EML4: variants seen among roughly 807,000 people sequenced by gnomAD.
EML4 encodes the protein echinoderm microtubule-associated protein-like 4.
A neutral mutation model predicts 129.0 loss-of-function variants in EML4; 72 were observed. The observed-to-expected ratio is 0.56, with a 90% CI of 0.46 to 0.68. The LOEUF is 0.68. EML4 is among the 30% of genes least tolerant of loss of function. EML4 has a pLI of 0.00. For missense variants in EML4, 1,363 were observed against 1,190.6 expected, an observed-to-expected ratio of 1.14 and a Z score of -2.13; for synonymous variants, 532 against 405.0, an observed-to-expected ratio of 1.31 and a Z score of -3.77.
At chr2:42,185,391 C>T (rs1315426302) in intron 1 of EML4, among the ~76,000 whole-genome samples, 6 of 152,126 alleles carry the variant, frequency 3.9e-5, no homozygotes, top group African/African-American at 9.7e-5. Flanking sequence ...ACACTGGCAG[C>T]GTAGAGTAGT....
chr2:42,292,470 A>G (rs1667701458), intron 11 of EML4, among the ~76,000 whole-genome samples: 1 of 152,252 alleles, frequency 6.6e-6, no homozygotes, highest in Non-Finnish European at 1.5e-5. Context: ...TATATGCACC[A>G]ACACAAATGG....
chr2:42,329,486 A>T (rs905421696), intron 22 of EML4, among the ~76,000 whole-genome samples: 3 of 152,088 alleles, frequency 2.0e-5, no homozygotes, highest in Non-Finnish European at 4.4e-5. Context: ...ACTTTTAGCT[A>T]TTTTTTTAAA....
chr2:42,196,804 G>A (rs1233170185), intron 1 of EML4, among the ~76,000 whole-genome samples: 1 of 152,162 alleles, frequency 6.6e-6, no homozygotes, highest in Admixed American at 6.5e-5. Context: ...TTGAGTTTGT[G>A]GAAGAGAGAC....
rs779460681 is a variant in EML4 at position 42,280,922 on chromosome 2, A to T, written c.740A>T (p.Tyr247Phe). Residue 247 changes from tyrosine to phenylalanine, a missense_variant, in exon 7 of 23, where the codon TAT becomes TTT. Coordinates refer to ENST00000318522, the MANE Select transcript of EML4 (RefSeq NM_019063.5). ...TMFIPSDVDN[Y>F]DDIRTELPPE... Reference sequence around the variant, plus strand: ...TTCATTCCTTCCGATGTTGACAACTATGATGACATCAGAACGGAACTGCCT... The same window carrying T: ...TTCATTCCTTCCGATGTTGACAACTTTGATGACATCAGAACGGAACTGCCT... 8 of 1,612,196 alleles carry T rather than the reference A, an allele frequency of 5.0e-6. No individual in the cohort carries two copies. The highest frequency in any genetic ancestry group is 8.5e-7 in the Non-Finnish European group (1 of 1,178,608).
intron 1 of EML4, among the ~76,000 whole-genome samples, chr2:42,203,750 C>G (rs1005460803): frequency 6.7e-5 from 10 of 150,010 alleles, no homozygotes; most frequent in Non-Finnish European, 1.5e-4. Flanking sequence ...TGATAATATA[C>G]TTCTATGCCA....
chr2:42,176,439 A>G (rs558206404), intron 1 of EML4, among the ~76,000 whole-genome samples: 98 of 152,270 alleles, frequency 6.4e-4, no homozygotes, highest in African/African-American at 2.2e-3. Context: ...TTTAATGACT[A>G]CATTCAAACA....
chr2:42,295,460 T>C lies in EML4; in HGVS notation c.1433T>C (p.Val478Ala). The stretch of plus-strand genomic sequence containing the variant: ...GTTCTTACTGGAGACTCAGGTGGAG[T>C]CATGCTTATATGGAGCAAAACTACT... ...GDVLTGDSGG[V>A]MLIWSKTTVE... The change falls in exon 13 of 23, where the codon GTC becomes GCC. Residue 478 changes from valine (V) to alanine (A), a missense_variant. Val to Ala is a moderately conservative substitution (Grantham distance 64). Transcript: ENST00000318522. 6.2e-7 allele frequency: 1 copy of C among 1,613,794 alleles called. No individual in the cohort carries two copies.
In EML4 at chr2:42,273,493, G is replaced by A. The variant is rs953198067; in HGVS notation, c.668-7357G>A. On this transcript the variant is annotated intron_variant, in intron 6 of 22. Coordinates refer to ENST00000318522, the MANE Select transcript of EML4 (RefSeq NM_019063.5). Reference sequence around the variant, plus strand: ...GGTAACTGTAAGTTGGCTTGCTAGTGTAATTAGTATAAGAGTTGATTAACA... The same window carrying A: ...GGTAACTGTAAGTTGGCTTGCTAGTATAATTAGTATAAGAGTTGATTAACA... Among the ~76,000 whole-genome samples the A allele has an allele frequency of 7.2e-5, 11 of 152,282 alleles. 1 individual carries two copies. The highest frequency in any genetic ancestry group is 4.6e-4 in the Admixed American group (7 of 15,304).
At chr2:42,313,054 T>C (rs1288408840) in intron 17 of EML4, among the ~76,000 whole-genome samples, 1 of 149,762 alleles carries the variant, frequency 6.7e-6, no homozygotes, top group African/African-American at 2.5e-5. Flanking sequence ...GTTCACGCCA[T>C]TCTCCTGCCT....
intron 6 of EML4, among the ~76,000 whole-genome samples, chr2:42,276,230 G>A (rs1339222637): frequency 6.6e-6 from 1 of 152,084 alleles, no homozygotes; most frequent in East Asian, 1.9e-4. Flanking sequence ...TTTTTTGGTA[G>A]AGGAGTAAAC....
rs74606754 is a variant in EML4, at chr2:42,247,907, T to C, written c.208+2220T>C. Among the ~76,000 whole-genome samples the C allele has an allele frequency of 2.3e-3, 347 of 152,246 alleles. 5 individuals are homozygous for C. Among genetic ancestry groups the C allele is most frequent in the East Asian group, 0.017 (87 of 5,190 alleles). On this transcript the variant is annotated intron_variant, in intron 2 of 22. Coordinates refer to ENST00000318522, the MANE Select transcript of EML4 (RefSeq NM_019063.5). ...CAGACTCAGAACCCGAGGGTACATA[T>C]AAGTATTTTAAAACCTATAATAGAA...
chr2:42,229,572 TAAAAG>T (rs1674191700), intron 1 of EML4, among the ~76,000 whole-genome samples: 3 of 151,744 alleles, frequency 2.0e-5, no homozygotes, highest in South Asian at 2.1e-4. Context: ...GAGAGAAAAA[TAAAAG>T]AAATGTGAGT....
chr2:42,296,165 G>GA (rs914940918), intron 13 of EML4, among the ~76,000 whole-genome samples: 1 of 151,914 alleles, frequency 6.6e-6, no homozygotes, highest in Non-Finnish European at 1.5e-5. Flanking sequence ...ATCAAACTTT[G>GA]AAAAAAATGT....
At position 42,211,957 on chromosome 2, in the gene EML4, G is replaced by C. The variant is rs570983131; in HGVS notation, c.26-33548G>C. On this transcript the variant is annotated intron_variant, in intron 1 of 22. Coordinates refer to ENST00000318522, the MANE Select transcript of EML4 (RefSeq NM_019063.5). ...CCTCCTGGGTTCAAACGATTCTCGTGCGTCAGCCCCCCAAGTAGCTAGGAC... is the reference window on the plus strand; with the variant it reads ...CCTCCTGGGTTCAAACGATTCTCGTCCGTCAGCCCCCCAAGTAGCTAGGAC... Among the ~76,000 whole-genome samples the C allele has an allele frequency of 4.6e-5, 7 of 152,142 alleles. No homozygotes were observed. The East Asian group carries it at 1.4e-3, about 29-fold the overall frequency.
chr2:42,208,615 A>G (rs1672701080), intron 1 of EML4, among the ~76,000 whole-genome samples: 1 of 151,672 alleles, frequency 6.6e-6, no homozygotes, highest in Non-Finnish European at 1.5e-5. Context: ...TTATGTTTTT[A>G]GTAGAGACGG....
intron 1 of EML4, among the ~76,000 whole-genome samples, chr2:42,229,187 A>G (rs1169959444): frequency 6.6e-6 from 1 of 152,312 alleles, no homozygotes; most frequent in East Asian, 1.9e-4. Flanking sequence ...AGTAGCTAAC[A>G]TTTATAAAAA....
chr2:42,279,428 C>T (rs1666875907), intron 6 of EML4, among the ~76,000 whole-genome samples: 1 of 151,190 alleles, frequency 6.6e-6, no homozygotes, highest in Non-Finnish European at 1.5e-5. Context: ...ACAAGGGTCC[C>T]AGTTTCTCCA....
At chr2:42,329,668 C>T (rs773805372) in intron 22 of EML4, 66 bp from the exon 23 acceptor site, 337 of 1,368,702 alleles carry the variant, frequency 2.5e-4, no homozygotes, top group Non-Finnish European at 2.6e-4. Context: ...GTATCACCTC[C>T]ATTTCTGAAA....
intron 1 of EML4, among the ~76,000 whole-genome samples, chr2:42,233,710 T>C (rs1433333797): frequency 6.6e-6 from 1 of 152,194 alleles, no homozygotes; most frequent in African/African-American, 2.4e-5. Flanking sequence ...ATTCATTAAC[T>C]TAGCAAAATG....
Sources: allele counts gnomAD v4.1 joint callset (sites outside exome capture counted in the v4.1 genomes callset), GRCh38; gene constraint gnomAD v4.1.1; transcripts MANE v1.5; gene names NCBI Gene and HGNC (gene_info 2026-07-23, HGNC 2026-07-21).